Variants in SPEF2 observed in about 807,000 individuals in gnomAD.
SPEF2 encodes sperm flagellar and cilia associated 2.
A neutral mutation model predicts 224.6 loss-of-function variants in SPEF2; 187 were observed. The ratio of observed to expected loss-of-function variants is 0.83; its 90% CI spans 0.74 to 0.94. The LOEUF (loss-of-function observed/expected upper bound fraction) is 0.94. Among genes scored for constraint, SPEF2 ranks in the 40% least tolerant of loss-of-function variants. The pLI is 0.00. For missense variants in SPEF2, 2,170 were observed against 2,135.6 expected (o/e 1.02, Z -0.32); for synonymous variants, 715 against 707.3 (o/e 1.01, Z -0.17).
At position 35,712,779 on chromosome 5, in the gene SPEF2, A is replaced by G. The variant is rs761557903; in HGVS notation, c.2840-33A>G. 23 of 1,602,170 alleles carry G rather than the reference A, an allele frequency of 1.4e-5. No individual in the cohort carries two copies. In the East Asian group the frequency reaches 4.7e-4, roughly 33 times the overall value. The stretch of plus-strand genomic sequence containing the variant: ...ATAGCCCAGGCTATTGAAGTAAATC[A>G]TCAATGATTTTTGTGTGTCGAATTT... On this transcript the variant is annotated intron_variant, in intron 19 of 36. Coordinates refer to ENST00000356031, the MANE Select transcript of SPEF2 (RefSeq NM_024867.4).
At chr5:35,671,594 T>A (rs1327049987) in intron 10 of SPEF2, 1 of 871,078 alleles carries the variant, frequency 1.1e-6, no homozygotes, top group Non-Finnish European at 1.4e-6. Flanking sequence ...GTTCATCGAA[T>A]GTTTATTTCT....
intron 23 of SPEF2, among the ~76,000 whole-genome samples, chr5:35,744,810 T>C (rs1174424568): frequency 6.6e-6 from 1 of 152,156 alleles, no homozygotes; most frequent in Non-Finnish European, 1.5e-5. Context: ...GAGGCAGGAC[T>C]AGATTGCAGC....
In SPEF2 at chr5:35,763,503, G is replaced by T. The variant is rs1298895650; in HGVS notation, c.3621-19G>T. Reference sequence around the variant, plus strand: ...TTAAGCAAAATTTTTTATCCTTTTTGCTTGTTTGTTTCTCAAAGAATTCCT... The same window carrying T: ...TTAAGCAAAATTTTTTATCCTTTTTTCTTGTTTGTTTCTCAAAGAATTCCT... On this transcript the variant is annotated intron_variant, in intron 25 of 36. Coordinates refer to ENST00000356031, the MANE Select transcript of SPEF2 (RefSeq NM_024867.4). 4 of 1,525,210 alleles carry T rather than the reference G, an allele frequency of 2.6e-6. No homozygotes were observed. Among genetic ancestry groups the T allele is most frequent in the Admixed American group, 2.3e-5 (1 of 43,140 alleles). 94.5% of individuals were successfully genotyped at this position (1,525,210 alleles called of 1,614,324 possible).
intron 36 of SPEF2, among the ~76,000 whole-genome samples, chr5:35,808,392 C>T (rs931525039): frequency 7.2e-5 from 11 of 152,024 alleles, no homozygotes; most frequent in African/African-American, 2.7e-4. Flanking sequence ...AATGCTATCC[C>T]TCTCCCCTTC....
chr5:35,705,679 T>A lies in SPEF2; in HGVS notation c.2536T>A (p.Leu846Ile), dbSNP rs775754783. The A allele has an allele frequency of 6.3e-7, 1 of 1,591,908 alleles. No individual in the cohort carries two copies. The highest frequency in any genetic ancestry group is 8.5e-7 in the Non-Finnish European group (1 of 1,173,630). ...TATAGGCTTCTTGGACAACTGGCCT[T>A]TATTGGAGCAATGGTTTTCAGAGCC... ...RIIGFLDNWP[L>I]LEQWFSEPEN... is the part of the protein sequence containing the mutation. Residue 846 changes from leucine to isoleucine, a missense_variant, in exon 18 of 37, where the codon TTA (leucine) becomes ATA (isoleucine). Transcript: ENST00000356031.
At position 35,678,047 on chromosome 5, in the gene SPEF2, G is replaced by A. The variant is rs77850442; in HGVS notation, c.1524+7820G>A. Reference sequence around the variant, plus strand: ...GCCTTGACAGTGACCATTGTCACACGCTGAGTATTGACCGTGGCCAGTGTA... The same window carrying A: ...GCCTTGACAGTGACCATTGTCACACACTGAGTATTGACCGTGGCCAGTGTA... On this transcript the variant is annotated intron_variant, in intron 10 of 36. Transcript: ENST00000356031. Among the ~76,000 whole-genome samples, 410 of 152,346 alleles carry A rather than the reference G, an allele frequency of 2.7e-3. 4 individuals are homozygous for A. Among genetic ancestry groups the A allele is most frequent in the African/African-American group, 8.8e-3 (364 of 41,582 alleles).
rs1207532094 is a variant in SPEF2 at position 35,773,919 on chromosome 5, A to T, written c.3976A>T (p.Thr1326Ser). Reference protein sequence around the residue: ...KGKSPPMAEATPVIVTTEEIA... With the variant: ...KGKSPPMAEASPVIVTTEEIA... Reference sequence around the variant, plus strand: ...TAAATCACCACCTATGGCAGAAGCAACTCCTGTCATAGTAACAACAGAGGA... The same window carrying T: ...TAAATCACCACCTATGGCAGAAGCATCTCCTGTCATAGTAACAACAGAGGA... The change falls in exon 28 of 37, where the codon ACT becomes TCT. Residue 1326 changes from threonine to serine, a missense_variant. Thr to Ser is a moderately conservative substitution (Grantham distance 58). Transcript: ENST00000356031. The T allele has an allele frequency of 6.2e-7, 1 of 1,612,956 alleles. No homozygotes were observed. Among genetic ancestry groups the T allele is most frequent in the African/African-American group, 1.3e-5 (1 of 74,822 alleles).
At chr5:35,652,267 A>G (rs1460000046) in intron 6 of SPEF2, among the ~76,000 whole-genome samples, 2 of 152,156 alleles carry the variant, frequency 1.3e-5, no homozygotes, top group Non-Finnish European at 2.9e-5. Context: ...GATAAAGGAG[A>G]AGCAATTTGT....
At chr5:35,730,357 G>T (rs943579354) in intron 21 of SPEF2, among the ~76,000 whole-genome samples, 1 of 152,218 alleles carries the variant, frequency 6.6e-6, no homozygotes, top group Non-Finnish European at 1.5e-5. Flanking sequence ...AGGACTCCAC[G>T]AAAAGAGGCA....
At chr5:35,634,797 C>T (rs1400666950) in intron 2 of SPEF2, among the ~76,000 whole-genome samples, 1 of 152,048 alleles carries the variant, frequency 6.6e-6, no homozygotes, top group Admixed American at 6.5e-5. Context: ...TAGCATCTTA[C>T]ATTGGTGTGG....
At chr5:35,630,682 C>A (rs406830) in intron 2 of SPEF2, among the ~76,000 whole-genome samples, 2 of 151,742 alleles carry the variant, frequency 1.3e-5, no homozygotes, top group East Asian at 1.9e-4. Context: ...GGCAGCAGAG[C>A]GAGACTCCGT....
intron 13 of SPEF2, among the ~76,000 whole-genome samples, chr5:35,694,659 G>A (rs1755032823): frequency 1.3e-5 from 2 of 152,044 alleles, no homozygotes; most frequent in Admixed American, 6.5e-5. Flanking sequence ...TCTGTGCAAG[G>A]AGACAGACAG....
chr5:35,656,063 G>C (rs1748914187), intron 7 of SPEF2, among the ~76,000 whole-genome samples: 1 of 152,146 alleles, frequency 6.6e-6, no homozygotes, highest in Non-Finnish European at 1.5e-5. Flanking sequence ...CATTAAACAA[G>C]GGAAAGTGAA....
chr5:35,805,203 TTC>T (rs1757910268), intron 34 of SPEF2, among the ~76,000 whole-genome samples: 1 of 152,186 alleles, frequency 6.6e-6, no homozygotes, highest in Admixed American at 6.5e-5. Flanking sequence ...CTGTCTTTTT[TTC>T]TCTCTTTCTT....
intron 20 of SPEF2, among the ~76,000 whole-genome samples, chr5:35,718,587 C>T (rs1743047816): frequency 6.6e-6 from 1 of 152,116 alleles, no homozygotes; most frequent in South Asian, 2.1e-4. Context: ...TGCCAAAGCA[C>T]CTTGCACCCA....
chr5:35,771,850 C>T (rs1752899523), intron 27 of SPEF2, 94 bp downstream of exon 27: 1 of 1,417,148 alleles, frequency 7.1e-7, no homozygotes, highest in Non-Finnish European at 9.4e-7. Flanking sequence ...AGCCTCTAAG[C>T]CACTAAAATA....
intron 28 of SPEF2, among the ~76,000 whole-genome samples, chr5:35,775,657 G>A (rs1467104183): frequency 3.3e-5 from 5 of 152,102 alleles, no homozygotes; most frequent in Admixed American, 2.0e-4. Flanking sequence ...ATAGTGTGGA[G>A]GTGGATTTGG....
chr5:35,639,848 C>G (rs560914165), intron 2 of SPEF2, among the ~76,000 whole-genome samples: 1 of 151,712 alleles, frequency 6.6e-6, no homozygotes, highest in Non-Finnish European at 1.5e-5. Flanking sequence ...TGCTCTGTCT[C>G]CAGAGCAAAG....
chr5:35,654,100 A>C (rs1748611772), intron 6 of SPEF2, among the ~76,000 whole-genome samples: 1 of 151,610 alleles, frequency 6.6e-6, no homozygotes, highest in Non-Finnish European at 1.5e-5. Context: ...GTCTCTACTA[A>C]AAATACAAAA....
Sources: allele counts gnomAD v4.1 joint callset (sites outside exome capture counted in the v4.1 genomes callset), GRCh38; gene constraint gnomAD v4.1.1; transcripts MANE v1.5; gene names NCBI Gene and HGNC (gene_info 2026-07-23, HGNC 2026-07-21).